The following RNF144B variants were observed in gnomAD, a reference collection of about 807,000 sequenced individuals.
RNF144B encodes the protein ring finger protein 144B, also known as E3 ubiquitin-protein ligase RNF144B.
Under a neutral mutation model 40.2 loss-of-function variants are expected in RNF144B, and 25 were observed. That is an observed-to-expected ratio of 0.62 (90% CI 0.45 to 0.87). The LOEUF (loss-of-function observed/expected upper bound fraction) is 0.87, where lower values mean the gene tolerates loss of function less well. Ranked by LOEUF, RNF144B falls within the 40% of genes least tolerant of loss-of-function variation. The pLI is 0.00. For missense variants in RNF144B, 365 were observed against 373.7 expected, an observed-to-expected ratio of 0.98 and a Z score of 0.19; for synonymous variants, 145 against 136.3, an observed-to-expected ratio of 1.06 and a Z score of -0.44.
chr6:18,464,975 C>T lies in RNF144B; in HGVS notation c.820C>T (p.Pro274Ser). The T allele has an allele frequency of 3.1e-6, 5 of 1,613,878 alleles. No individual in the cohort carries two copies. The highest frequency in any genetic ancestry group is 3.4e-6 in the Non-Finnish European group (4 of 1,179,852). The change falls in exon 8 of 8, where the codon CCC becomes TCC. Residue 274 changes from proline (P) to serine (S), a missense_variant. Coordinates refer to ENST00000259939, the MANE Select transcript of RNF144B (RefSeq NM_182757.4). This position sits in a 1 kb window ranked among gnomAD's most constrained non-coding sequence, Gnocchi z 6.1. ...GGGCATCATTGCCTTGGTTACTTCACCCTTGTTACTCCTGGCCTCCCCATG... is the reference window on the plus strand; with the variant it reads ...GGGCATCATTGCCTTGGTTACTTCATCCTTGTTACTCCTGGCCTCCCCATG... The part of the protein sequence containing the change: ...GLGIIALVTS[P>S]LLLLASPCII...
chr6:18,439,497 T>A (rs1346196103), intron 3 of RNF144B, among the ~76,000 whole-genome samples, 187 bp from the exon 4 acceptor site: 1 of 152,122 alleles, frequency 6.6e-6, no homozygotes. Context: ...GCTATGGTGG[T>A]GGAGTGGGGA....
intron 3 of RNF144B, among the ~76,000 whole-genome samples, chr6:18,435,628 A>G (rs1330826905): frequency 6.6e-6 from 1 of 152,220 alleles, no homozygotes; most frequent in Non-Finnish European, 1.5e-5. Context: ...TGTTAATTCC[A>G]AATGATAGAG....
At chr6:18,428,705 C>A (rs969323772) in intron 3 of RNF144B, among the ~76,000 whole-genome samples, 9 of 152,140 alleles carry the variant, frequency 5.9e-5, no homozygotes, top group African/African-American at 2.2e-4. Flanking sequence ...CACCACCACC[C>A]CCCAGTTGTT....
intron 1 of RNF144B, among the ~76,000 whole-genome samples, chr6:18,387,888 C>T (rs1041628959): frequency 6.6e-6 from 1 of 152,234 alleles, no homozygotes; most frequent in East Asian, 1.9e-4. Context: ...ATTGTAGAAT[C>T]CGAGATTAGA....
intron 1 of RNF144B, among the ~76,000 whole-genome samples, chr6:18,396,165 G>A (rs1794690736): frequency 6.6e-6 from 1 of 152,136 alleles, no homozygotes; most frequent in Non-Finnish European, 1.5e-5. Context: ...CTTACGTACT[G>A]TTTATAGTAA....
chr6:18,393,147 G>A (rs566033664), intron 1 of RNF144B, among the ~76,000 whole-genome samples: 210 of 151,640 alleles, frequency 1.4e-3, no homozygotes, highest in Non-Finnish European at 1.2e-3. Context: ...GTAATTAATA[G>A]ATATACAGTT....
At position 18,395,931 on chromosome 6, in the gene RNF144B, T is replaced by C. The variant is rs948520327; in HGVS notation, c.-36-3568T>C. Among the ~76,000 whole-genome samples, 7 of 152,226 alleles carry C rather than the reference T, an allele frequency of 4.6e-5. No homozygotes were observed. Among genetic ancestry groups the C allele is most frequent in the African/African-American group, 7.2e-5 (3 of 41,462 alleles). On this transcript the variant is annotated intron_variant, in intron 1 of 7. Coordinates refer to ENST00000259939, the MANE Select transcript of RNF144B (RefSeq NM_182757.4). This position sits in a 1 kb window ranked among gnomAD's most constrained non-coding sequence, Gnocchi z 4.5. ...GAAAAATAAATCACTTTTTGAAGAA[T>C]CATTTTGGATTGTTCACATCTCAAG...
chr6:18,425,263 C>G lies in RNF144B; in HGVS notation c.166-2318C>G, dbSNP rs1434951193. 6.6e-6 allele frequency among the ~76,000 whole-genome samples: 1 copy of G among 152,136 alleles called. No individual in the cohort carries two copies. The highest frequency in any genetic ancestry group is 1.5e-5 in the Non-Finnish European group (1 of 68,022). ...TTTCCTCAAACACCTTCCCCTTGAG[C>G]CTGGAGACTATATCTTTCAGTCTTT... is the stretch of plus-strand genomic sequence containing the variant. On this transcript the variant is annotated intron_variant, in intron 2 of 7. Transcript: ENST00000259939. The surrounding 1 kb of genome is among the most constrained non-coding windows in gnomAD (Gnocchi z 4.2).
Position 18,460,547 on chromosome 6 carries a change from A to T in RNF144B, c.681+796A>T, listed in dbSNP as rs549221886. On this transcript the variant is annotated intron_variant, in intron 6 of 7. Coordinates refer to ENST00000259939, the MANE Select transcript of RNF144B (RefSeq NM_182757.4). The surrounding 1 kb of genome is among the most constrained non-coding windows in gnomAD (Gnocchi z 4.4). ...CTATTAGATTTTTTCTTCGTTTTGA[A>T]TTTAAAGAAAAATGGTTCAAATCAA... is the stretch of plus-strand genomic sequence containing the variant. Among the ~76,000 whole-genome samples, 1 of 152,212 alleles carries T rather than the reference A, an allele frequency of 6.6e-6. No individual in the cohort carries two copies. The highest frequency in any genetic ancestry group is 6.5e-5 in the Admixed American group (1 of 15,280).
At position 18,416,917 on chromosome 6, in the gene RNF144B, G is replaced by C. The variant is rs747369163; in HGVS notation, c.166-10664G>C. 6.6e-6 allele frequency among the ~76,000 whole-genome samples: 1 copy of C among 151,980 alleles called. No individual in the cohort carries two copies. The highest frequency in any genetic ancestry group is 6.6e-5 in the Admixed American group (1 of 15,248). ...AATATTGATAACAGTTCAGCAAGGT[G>C]GCAGAATATAAGATCAATGTACAGA... On this transcript the variant is annotated intron_variant, in intron 2 of 7. Transcript: ENST00000259939. This position sits in a 1 kb window ranked among gnomAD's most constrained non-coding sequence, Gnocchi z 5.5.
In RNF144B at chr6:18,419,250, C is replaced by T. The variant is rs1310604242; in HGVS notation, c.166-8331C>T. ...GGCTTTTTATTAAGGATACCCTTCC[C>T]AGTAGTGTCCCATATCTTCCAGTGT... On this transcript the variant is annotated intron_variant, in intron 2 of 7. Transcript: ENST00000259939. The surrounding 1 kb of genome is among the most constrained non-coding windows in gnomAD (Gnocchi z 4.6). 6.6e-6 allele frequency among the ~76,000 whole-genome samples: 1 copy of T among 152,162 alleles called. No homozygotes were observed. Among genetic ancestry groups the T allele is most frequent in the Non-Finnish European group, 1.5e-5 (1 of 68,026 alleles).
At chr6:18,408,123 T>C (rs1199259086) in intron 2 of RNF144B, among the ~76,000 whole-genome samples, 2 of 151,906 alleles carry the variant, frequency 1.3e-5, no homozygotes, top group Non-Finnish European at 2.9e-5. Context: ...TAGCTGGGAT[T>C]ATAGGTGCCT....
chr6:18,422,859 A>T lies in RNF144B; in HGVS notation c.166-4722A>T, dbSNP rs1274099915. Among the ~76,000 whole-genome samples the T allele has an allele frequency of 6.6e-6, 1 of 151,438 alleles. No homozygotes were observed. On this transcript the variant is annotated intron_variant, in intron 2 of 7. Transcript: ENST00000259939. This position sits in a 1 kb window ranked among gnomAD's most constrained non-coding sequence, Gnocchi z 4.7. ...TGTAGCCTCAGCTACTGAGGAGCTG[A>T]GGTGGGAGGATCACTGAACCCAGGA...
Position 18,467,358 on chromosome 6 carries a change from T to A in RNF144B, c.*2291T>A, listed in dbSNP as rs1364673697. 1.3e-5 allele frequency: 2 copies of A among 148,926 alleles called. No homozygotes were observed. Among genetic ancestry groups the A allele is most frequent in the African/African-American group, 4.9e-5 (2 of 40,538 alleles). The allele number at this position is 148,926 out of a possible 1,614,324, so 9.2% of individuals were successfully genotyped here. On this transcript the variant is annotated 3_prime_UTR_variant, in exon 8 of 8. Transcript: ENST00000259939. ...TATTTCCTTGGCGAGTTGAGGGAAT[T>A]TGCCACCTTACAGAGTTTGTATCAC...
intron 1 of RNF144B, 80 bp from the exon 2 acceptor site, chr6:18,399,419 T>A: frequency 1.0e-6 from 1 of 987,150 alleles, no homozygotes; most frequent in Non-Finnish European, 1.5e-6. Flanking sequence ...GAGAATTTGA[T>A]CAGCTGGCCT....
chr6:18,429,003 G>T (rs1271545817), intron 3 of RNF144B, among the ~76,000 whole-genome samples: 1 of 152,032 alleles, frequency 6.6e-6, no homozygotes, highest in East Asian at 1.9e-4. Context: ...ACCAGCCTGG[G>T]CAATATAGCA....
intron 2 of RNF144B, among the ~76,000 whole-genome samples, chr6:18,411,657 C>T (rs979684633): frequency 1.3e-5 from 2 of 151,282 alleles, no homozygotes; most frequent in African/African-American, 4.9e-5. Context: ...ACATGCGCCA[C>T]CGCACCCAAC....
At chr6:18,421,271 TATACACACACACACACACACACAC>T (rs1478386575) in intron 2 of RNF144B, among the ~76,000 whole-genome samples, 1 of 130,946 alleles carries the variant, frequency 7.6e-6, no homozygotes, top group Non-Finnish European at 1.6e-5. Context: ...AATTATATAT[TATACACACACACACACACACACAC>T]ACACACACAC....
chr6:18,456,406 G>A lies in RNF144B; in HGVS notation c.332-749G>A, dbSNP rs897170083. ...GAATGTGGAAGAAACCTCACTATCT[G>A]TTTCTCAGTGCCTGAAAGGACAAAG... On this transcript the variant is annotated intron_variant, in intron 4 of 7. Coordinates refer to ENST00000259939, the MANE Select transcript of RNF144B (RefSeq NM_182757.4). This position sits in a 1 kb window ranked among gnomAD's most constrained non-coding sequence, Gnocchi z 4.7. Among the ~76,000 whole-genome samples the A allele has an allele frequency of 6.6e-6, 1 of 152,176 alleles. No individual in the cohort carries two copies. Among genetic ancestry groups the A allele is most frequent in the African/African-American group, 2.4e-5 (1 of 41,432 alleles).
Sources: gnomAD v4.1 joint callset for allele counts (sites outside exome capture counted in the v4.1 genomes callset) on GRCh38, gnomAD v4.1.1 for gene constraint, Gnocchi (gnomAD v3.1) non-coding constraint, MANE v1.5 for transcripts, NCBI Gene and HGNC (gene_info 2026-07-23, HGNC 2026-07-21) for gene names.